Variants in SIPA1L3 observed in about 807,000 individuals in gnomAD.
The protein encoded by SIPA1L3 is signal induced proliferation associated 1 like 3.
A neutral mutation model predicts 150.1 loss-of-function variants in SIPA1L3; 59 were observed. The observed-to-expected ratio is 0.39, with a 90% CI of 0.32 to 0.49. SIPA1L3 has a LOEUF of 0.49. SIPA1L3 is among the 20% of genes least tolerant of loss of function. The probability of loss-of-function intolerance (pLI) is 0.86; values close to 1 mark genes in which losing one functional copy is unlikely to be tolerated. For synonymous variants in SIPA1L3, 1,070 were observed against 1,077.6 expected, an observed-to-expected ratio of 0.99 and a Z score of 0.14; for missense variants, 2,211 against 2,489.5, an observed-to-expected ratio of 0.89 and a Z score of 2.38.
At chr19:38,104,452 G>A (rs960708616) in intron 6 of SIPA1L3, among the ~76,000 whole-genome samples, 7 of 152,216 alleles carry the variant, frequency 4.6e-5, no homozygotes, top group Admixed American at 1.3e-4. Flanking sequence ...CCTCTGTGCC[G>A]AGTGCTTCCC....
intron 2 of SIPA1L3, among the ~76,000 whole-genome samples, chr19:38,048,329 C>G (rs1231632098): frequency 6.6e-6 from 1 of 152,182 alleles, no homozygotes; most frequent in African/African-American, 2.4e-5. Flanking sequence ...GTCAGGGACT[C>G]AGGTTCTCAG....
intron 2 of SIPA1L3, among the ~76,000 whole-genome samples, chr19:38,053,660 G>T (rs1032194216): frequency 1.3e-5 from 2 of 151,934 alleles, no homozygotes; most frequent in Admixed American, 6.6e-5. Context: ...GGGCTCAAGC[G>T]ATCCTCCCAC....
intron 15 of SIPA1L3, among the ~76,000 whole-genome samples, chr19:38,181,569 T>C (rs112764165): frequency 0.016 from 2,420 of 151,474 alleles, 35 homozygotes; most frequent in Admixed American, 0.055. Context: ...GTTGACCGGG[T>C]GCGGTGGCTC....
chr19:37,991,728 C>G (rs1967513609), intron 1 of SIPA1L3, among the ~76,000 whole-genome samples: 1 of 152,200 alleles, frequency 6.6e-6, no homozygotes. Context: ...TGACGGTGAT[C>G]TGTTGCACAG....
chr19:38,197,792 C>G (rs1324504090), intron 18 of SIPA1L3, among the ~76,000 whole-genome samples: 1 of 152,094 alleles, frequency 6.6e-6, no homozygotes, highest in Admixed American at 6.5e-5. Flanking sequence ...TATCACGGCC[C>G]CACCCTGGTC....
At chr19:37,980,227 C>A (rs1175937205) in intron 1 of SIPA1L3, among the ~76,000 whole-genome samples, 1 of 152,216 alleles carries the variant, frequency 6.6e-6, no homozygotes, top group Non-Finnish European at 1.5e-5. Context: ...TCTCCCTGCC[C>A]ACCTTGTTCC....
intron 2 of SIPA1L3, among the ~76,000 whole-genome samples, chr19:38,069,376 G>C (rs1396064936): frequency 6.6e-6 from 1 of 152,122 alleles, no homozygotes; most frequent in African/African-American, 2.4e-5. Context: ...CACTCCTGTT[G>C]ACAGTTGGTC....
chr19:38,057,282 A>ATATATATG (rs1319091747), intron 2 of SIPA1L3, among the ~76,000 whole-genome samples: 1 of 150,366 alleles, frequency 6.7e-6, no homozygotes, highest in Non-Finnish European at 1.5e-5. Flanking sequence ...TCAAATATAT[A>ATATATATG]TATATATGTA....
At chr19:37,917,697 G>T (rs1599790729) in intron 1 of SIPA1L3, among the ~76,000 whole-genome samples, 1 of 152,070 alleles carries the variant, frequency 6.6e-6, no homozygotes, top group Non-Finnish European at 1.5e-5. Context: ...CCATAGGAGG[G>T]ACTTGTTGCA....
intron 1 of SIPA1L3, among the ~76,000 whole-genome samples, chr19:37,950,685 C>T (rs1047844613): frequency 2.0e-5 from 3 of 152,186 alleles, no homozygotes; most frequent in Non-Finnish European, 4.4e-5. Context: ...CCGAGACTGG[C>T]GCTTGCTCCC....
chr19:38,092,127 A>G (rs1280167307), intron 4 of SIPA1L3, among the ~76,000 whole-genome samples: 1 of 151,922 alleles, frequency 6.6e-6, no homozygotes. Context: ...TTGTAATCCC[A>G]GCATTTTGGG....
chr19:38,134,298 T>C (rs1971381736), intron 10 of SIPA1L3, among the ~76,000 whole-genome samples: 1 of 146,260 alleles, frequency 6.8e-6, no homozygotes, highest in Non-Finnish European at 1.5e-5. Context: ...TTTTTAAAAA[T>C]CAGCTAGGTG....
At chr19:37,980,414 G>A (rs1048086313) in intron 1 of SIPA1L3, among the ~76,000 whole-genome samples, 2 of 152,168 alleles carry the variant, frequency 1.3e-5, no homozygotes, top group African/African-American at 4.8e-5. Flanking sequence ...ATGCCCTGGA[G>A]ATCCTCTTAT....
rs1357896148 is a variant in SIPA1L3 at position 38,206,377 on chromosome 19, C to T, written c.*137C>T. 2.7e-5 allele frequency: 28 copies of T among 1,054,398 alleles called. No homozygotes were observed. The Admixed American group carries it at 5.0e-4, about 19-fold the overall frequency. The allele number at this position is 1,054,398 out of a possible 1,614,324, so 65.3% of individuals were successfully genotyped here. The stretch of plus-strand genomic sequence containing the variant: ...GCCCTCCCCATGGACACGGAAACTC[C>T]GATGGCCTCACTAGGGCTGTGAGTC... On this transcript the variant is annotated 3_prime_UTR_variant, in exon 22 of 22. Coordinates refer to ENST00000222345, the MANE Select transcript of SIPA1L3 (RefSeq NM_015073.3).
intron 1 of SIPA1L3, among the ~76,000 whole-genome samples, chr19:38,005,507 C>T (rs1967919622): frequency 6.6e-6 from 1 of 152,066 alleles, no homozygotes; most frequent in East Asian, 1.9e-4. Context: ...TGGCTGATGC[C>T]GACTCCTCCT....
At chr19:38,086,092 G>T (rs1970124463) in intron 3 of SIPA1L3, among the ~76,000 whole-genome samples, 1 of 152,018 alleles carries the variant, frequency 6.6e-6, no homozygotes. Context: ...CTCTGAAGTT[G>T]ACAGAATCTA....
chr19:38,080,426 TAAAG>T (rs1737486129), intron 2 of SIPA1L3, among the ~76,000 whole-genome samples: 1 of 151,962 alleles, frequency 6.6e-6, no homozygotes, highest in Non-Finnish European at 1.5e-5. Flanking sequence ...AGCATCAAAA[TAAAG>T]GAAGGTGGCC....
chr19:38,168,558 G>A (rs1289144054), intron 15 of SIPA1L3, among the ~76,000 whole-genome samples: 3 of 152,012 alleles, frequency 2.0e-5, no homozygotes, highest in Admixed American at 6.6e-5. Context: ...CTATACCAGG[G>A]GCCTCAGGTC....
intron 4 of SIPA1L3, among the ~76,000 whole-genome samples, chr19:38,089,957 C>T (rs944758502): frequency 2.2e-4 from 34 of 152,106 alleles, no homozygotes; most frequent in African/African-American, 8.0e-4. Flanking sequence ...TTTTCTTCTG[C>T]CACTAACAAG....
Sources: gnomAD v4.1 joint callset for allele counts (sites outside exome capture counted in the v4.1 genomes callset) on GRCh38, gnomAD v4.1.1 for gene constraint, MANE v1.5 for transcripts, NCBI Gene and HGNC (gene_info 2026-07-23, HGNC 2026-07-21) for gene names.